NAPG: variants seen among roughly 807,000 people sequenced by gnomAD.
NAPG encodes the protein NSF attachment protein gamma.
A neutral mutation model predicts 48.4 loss-of-function variants in NAPG; 25 were observed. The ratio of observed to expected loss-of-function variants is 0.52; its 90% confidence interval spans 0.38 to 0.72. The LOEUF (loss-of-function observed/expected upper bound fraction) is 0.72. Among genes scored for constraint, NAPG ranks in the 30% least tolerant of loss-of-function variants. The probability of loss-of-function intolerance (pLI) is 0.00; values close to 1 mark genes in which losing one functional copy is unlikely to be tolerated. For missense variants in NAPG, 359 were observed against 372.5 expected (o/e 0.96, Z 0.30); for synonymous variants, 139 against 127.2 (o/e 1.09, Z -0.62).
rs1279342277 is a variant in NAPG at position 10,552,506 on chromosome 18, AG to A, written c.*2287del. ...ACTCCACTGTCATCACTTTCACCAA[AG>A]TGGAAGTTTGCATGAATATGCTCAG... On this transcript the variant is annotated 3_prime_UTR_variant, in exon 12 of 12. Transcript: ENST00000322897. 6.6e-6 allele frequency: 1 copy of A among 152,244 alleles called. No homozygotes were observed. Among genetic ancestry groups the A allele is most frequent in the African/African-American group, 2.4e-5 (1 of 41,466 alleles). 9.4% of individuals were successfully genotyped at this position (152,244 alleles called of 1,614,324 possible). A position where few individuals can be genotyped will look rare whatever the true frequency, so the allele number is the denominator to read the frequency against.
intron 11 of NAPG, among the ~76,000 whole-genome samples, chr18:10,549,855 AT>A (rs1166447449): frequency 6.6e-6 from 1 of 152,110 alleles, no homozygotes; most frequent in Non-Finnish European, 1.5e-5. Context: ...TAAAGTTTTA[AT>A]TAAAAAAAAT....
At chr18:10,532,646 AT>A in intron 2 of NAPG, 64 bp from the exon 3 acceptor site, 1 of 1,245,032 alleles carries the variant, frequency 8.0e-7, no homozygotes, top group Non-Finnish European at 1.1e-6. Context: ...TAAAATGCAG[AT>A]TTCAGTAATG....
intron 8 of NAPG, among the ~76,000 whole-genome samples, chr18:10,541,516 T>C (rs375293077): frequency 4.7e-4 from 71 of 152,366 alleles, no homozygotes; most frequent in African/African-American, 1.5e-3. Context: ...GATGGCGTTA[T>C]GGCTGTGGCA....
chr18:10,548,501 C>A lies in NAPG; in HGVS notation c.665+123C>A. 2 of 722,018 alleles carry A rather than the reference C, an allele frequency of 2.8e-6. No individual in the cohort carries two copies. Among genetic ancestry groups the A allele is most frequent in the Non-Finnish European group, 4.5e-6 (2 of 441,032 alleles). 44.7% of individuals were successfully genotyped at this position (722,018 alleles called of 1,614,324 possible). On this transcript the variant is annotated intron_variant, in intron 10 of 11. Transcript: ENST00000322897. This position sits in a 1 kb window ranked among gnomAD's most constrained non-coding sequence, Gnocchi z 4.4. ...GTCATTTCTAAATCTTAGGAGTGCT[C>A]ATCTACCATTTCATCTTTTACAGTG... is the stretch of plus-strand genomic sequence containing the variant.
intron 2 of NAPG, among the ~76,000 whole-genome samples, chr18:10,532,091 ATATGT>A (rs2031938909): frequency 6.6e-6 from 1 of 152,002 alleles, no homozygotes; most frequent in Admixed American, 6.5e-5. Context: ...TTGTAAGATC[ATATGT>A]TATAAGCACT....
In NAPG at chr18:10,551,088, T is replaced by G. The variant is rs2032382799; in HGVS notation, c.*868T>G. Reference sequence around the variant, plus strand: ...GGCTCCCAGGCTAATGTTTTTATTTTTAATTTGTAATTTTTTTTTTATTTT... The same window carrying G: ...GGCTCCCAGGCTAATGTTTTTATTTGTAATTTGTAATTTTTTTTTTATTTT... On this transcript the variant is annotated 3_prime_UTR_variant, in exon 12 of 12. Coordinates refer to ENST00000322897, the MANE Select transcript of NAPG (RefSeq NM_003826.3). The G allele has an allele frequency of 6.6e-6, 1 of 151,924 alleles. No homozygotes were observed. Among genetic ancestry groups the G allele is most frequent in the African/African-American group, 2.4e-5 (1 of 41,396 alleles). The allele number at this position is 151,924 out of a possible 1,614,324, so 9.4% of individuals were successfully genotyped here.
intron 5 of NAPG, among the ~76,000 whole-genome samples, chr18:10,536,828 T>C (rs1341349495): frequency 6.6e-6 from 1 of 152,146 alleles, no homozygotes; most frequent in Non-Finnish European, 1.5e-5. Context: ...ATGTAATTAG[T>C]GGGTAGGTAT....
At chr18:10,540,207 C>A in intron 7 of NAPG, 122 bp from the exon 8 acceptor site, 1 of 1,053,220 alleles carries the variant, frequency 9.5e-7, no homozygotes, top group Non-Finnish European at 1.4e-6. Flanking sequence ...GTGAAATGAA[C>A]TAGCAGCTTT....
chr18:10,540,468 A>G (rs1422240465), intron 8 of NAPG, 69 bp downstream of exon 8: 2 of 1,314,068 alleles, frequency 1.5e-6, no homozygotes, highest in East Asian at 2.3e-5. Flanking sequence ...CTGGAAAGTA[A>G]TTTGGGGGAT....
intron 3 of NAPG, chr18:10,533,098 T>C (rs960833904): frequency 3.3e-6 from 1 of 306,538 alleles, no homozygotes. Flanking sequence ...AATGAAGAAG[T>C]AGCACAGGTA....
At chr18:10,545,998 G>A (rs73392652) in intron 8 of NAPG, among the ~76,000 whole-genome samples, 1,970 of 152,294 alleles carry the variant, frequency 0.013, 36 homozygotes, top group African/African-American at 0.045. Context: ...TGATTTAATC[G>A]AAGATCGTCT....
Position 10,551,771 on chromosome 18 carries a change from T to G in NAPG, c.*1551T>G, listed in dbSNP as rs915985050. 6.6e-6 allele frequency: 1 copy of G among 152,204 alleles called. No individual in the cohort carries two copies. The highest frequency in any genetic ancestry group is 1.5e-5 in the Non-Finnish European group (1 of 68,036). 9.4% of individuals were successfully genotyped at this position (152,204 alleles called of 1,614,324 possible). ...GGAGAGCTTAGAATAACATCCTCCT[T>G]TGGGAGGTGGTCTCGGGTGCGTGGA... On this transcript the variant is annotated 3_prime_UTR_variant, in exon 12 of 12. Coordinates refer to ENST00000322897, the MANE Select transcript of NAPG (RefSeq NM_003826.3).
chr18:10,548,816 G>T lies in NAPG; in HGVS notation c.666-151G>T. ...TGTAGGCTGGTTAGCGGGATCCCCGGTCTCTGCCCTCTAGATGCCACTAGC... is the reference window on the plus strand; with the variant it reads ...TGTAGGCTGGTTAGCGGGATCCCCGTTCTCTGCCCTCTAGATGCCACTAGC... On this transcript the variant is annotated intron_variant, in intron 10 of 11. Coordinates refer to ENST00000322897, the MANE Select transcript of NAPG (RefSeq NM_003826.3). This position sits in a 1 kb window ranked among gnomAD's most constrained non-coding sequence, Gnocchi z 4.4. 1.1e-6 allele frequency: 1 copy of T among 930,588 alleles called. No individual in the cohort carries two copies. The highest frequency in any genetic ancestry group is 1.6e-6 in the Non-Finnish European group (1 of 637,208). 57.6% of individuals were successfully genotyped at this position (930,588 alleles called of 1,614,324 possible). A position where few individuals can be genotyped will look rare whatever the true frequency, so the allele number is the denominator to read the frequency against.
chr18:10,544,427 T>C lies in NAPG; in HGVS notation c.507-1899T>C, dbSNP rs931120727. ...CCAAGCTCATTGATTGTTGGCAGAA[T>C]TGATTTCCTTGCAGCTGTGTGGAAG... On this transcript the variant is annotated intron_variant, in intron 8 of 11. Coordinates refer to ENST00000322897, the MANE Select transcript of NAPG (RefSeq NM_003826.3). This position sits in a 1 kb window ranked among gnomAD's most constrained non-coding sequence, Gnocchi z 5.1. Among the ~76,000 whole-genome samples the C allele has an allele frequency of 6.6e-6, 1 of 152,212 alleles. No individual in the cohort carries two copies. Among genetic ancestry groups the C allele is most frequent in the African/African-American group, 2.4e-5 (1 of 41,456 alleles).
chr18:10,545,664 G>A (rs1026390176), intron 8 of NAPG, among the ~76,000 whole-genome samples: 2 of 152,202 alleles, frequency 1.3e-5, no homozygotes, highest in Non-Finnish European at 2.9e-5. Context: ...TGAGAAAGGG[G>A]TAAGGGCCTG....
chr18:10,528,193 T>A (rs2031859630), intron 1 of NAPG, among the ~76,000 whole-genome samples: 1 of 151,474 alleles, frequency 6.6e-6, no homozygotes, highest in Non-Finnish European at 1.5e-5. Flanking sequence ...ATCAAAAAAA[T>A]AAATAAATAA....
chr18:10,541,048 A>G (rs1388020611), intron 8 of NAPG, among the ~76,000 whole-genome samples: 1 of 152,202 alleles, frequency 6.6e-6, no homozygotes, highest in East Asian at 1.9e-4. Flanking sequence ...GTAACAGAAA[A>G]CACCCAAGAT....
chr18:10,535,187 A>G (rs886813590), intron 5 of NAPG, among the ~76,000 whole-genome samples: 1 of 152,236 alleles, frequency 6.6e-6, no homozygotes, highest in African/African-American at 2.4e-5. Context: ...TTTGTTTTTA[A>G]GAACTTTTAC....
Position 10,542,470 on chromosome 18 carries a change from A to G in NAPG, c.506+2071A>G, listed in dbSNP as rs1051206844. Among the ~76,000 whole-genome samples the G allele has an allele frequency of 6.6e-6, 1 of 152,176 alleles. No individual in the cohort carries two copies. The highest frequency in any genetic ancestry group is 2.4e-5 in the African/African-American group (1 of 41,440). ...AACTTAAATAGTGCAGGATAAGAAA[A>G]AACATGCAGTGTTTATAGTGATGGA... On this transcript the variant is annotated intron_variant, in intron 8 of 11. Coordinates refer to ENST00000322897, the MANE Select transcript of NAPG (RefSeq NM_003826.3). The surrounding 1 kb of genome is among the most constrained non-coding windows in gnomAD (Gnocchi z 4.5).
Sources: gnomAD v4.1 joint callset for allele counts (sites outside exome capture counted in the v4.1 genomes callset) on GRCh38, gnomAD v4.1.1 for gene constraint, Gnocchi (gnomAD v3.1) non-coding constraint, MANE v1.5 for transcripts, NCBI Gene and HGNC (gene_info 2026-07-23, HGNC 2026-07-21) for gene names.